ELP2: variants seen among roughly 807,000 people sequenced by gnomAD.
ELP2 encodes the protein elongator acetyltransferase complex subunit 2.
ELP2 carries 90 observed loss-of-function variants against 119.2 expected under a neutral mutation model. The ratio of observed to expected loss-of-function variants is 0.75; its 90% CI spans 0.64 to 0.90. The LOEUF (loss-of-function observed/expected upper bound fraction) is 0.90, where lower values mean the gene tolerates loss of function less well. Ranked by LOEUF, ELP2 falls within the 40% of genes least tolerant of loss-of-function variation. ELP2 has a pLI of 0.00. For missense variants in ELP2, 921 were observed against 967.8 expected, an observed-to-expected ratio of 0.95 and a Z score of 0.64; for synonymous variants, 339 against 331.0, an observed-to-expected ratio of 1.02 and a Z score of -0.26.
chr18:36,141,413 G>T lies in ELP2; in HGVS notation c.588+212G>T, dbSNP rs8097449. The T allele has an allele frequency of 7.1e-6, 4 of 564,352 alleles. No individual in the cohort carries two copies. The South Asian group carries it at 7.8e-5, about 11-fold the overall frequency. The allele number at this position is 564,352 out of a possible 1,614,324, so 35.0% of individuals were successfully genotyped here. On this transcript the variant is annotated intron_variant, in intron 6 of 21. Coordinates refer to ENST00000358232, the MANE Select transcript of ELP2 (RefSeq NM_018255.4). ...TGACCATCAGGCTCAGAGTTGTTAG[G>T]GGGAAACAGGTCATTAGGTGGGGGA... is the stretch of plus-strand genomic sequence containing the variant.
Position 36,146,300 on chromosome 18 carries a change from G to A in ELP2, c.1044G>A (p.Gln348=). ...GGNTLGFYDC[Q]FNEDGSMIIA... ...ATACTTTGGGATTTTATGATTGCCA[G>A]TTCAATGAAGATGGCTCCATGATCA... is the stretch of plus-strand genomic sequence containing the variant. The change falls in exon 11 of 22, where the codon CAG becomes CAA. Residue 348 remains glutamine (Q), a synonymous_variant. Transcript: ENST00000358232. The A allele has an allele frequency of 6.2e-7, 1 of 1,614,106 alleles. No homozygotes were observed. The highest frequency in any genetic ancestry group is 1.1e-5 in the South Asian group (1 of 91,084).
chr18:36,157,117 A>C (rs3786272), intron 13 of ELP2, among the ~76,000 whole-genome samples: 56,166 of 151,986 alleles, frequency 0.37, 11,281 homozygotes, highest in South Asian at 0.6. Context: ...GTATTGGAAT[A>C]ACGAGAACAT....
At position 36,177,346 on chromosome 18, in the gene ELP2, A is replaced by G. The variant is rs1287490227; in HGVS notation, c.*2705A>G. On this transcript the variant is annotated 3_prime_UTR_variant, in exon 22 of 22. Transcript: ENST00000358232. ...GCCTCTAAAAGGAAGATACGCTGAC[A>G]TGTGCTGCAACATGGATGAATCTTG... 3 of 152,244 alleles carry G rather than the reference A, an allele frequency of 2.0e-5. No homozygotes were observed. The highest frequency in any genetic ancestry group is 1.3e-4 in the Admixed American group (2 of 15,286). The allele number at this position is 152,244 out of a possible 1,614,324, so 9.4% of individuals were successfully genotyped here.
chr18:36,149,417 A>G (rs1335263091), intron 11 of ELP2, among the ~76,000 whole-genome samples: 1 of 150,204 alleles, frequency 6.7e-6, no homozygotes. Context: ...CGTACAACCC[A>G]TTCCCGTCAT....
chr18:36,165,297 A>G (rs1338831307), intron 18 of ELP2: 1 of 152,152 alleles, frequency 6.6e-6, no homozygotes, highest in Non-Finnish European at 1.5e-5. Context: ...AAAGAGGACT[A>G]AAAACCTTTG....
intron 11 of ELP2, among the ~76,000 whole-genome samples, chr18:36,154,280 T>G (rs952252190): frequency 6.6e-6 from 1 of 152,196 alleles, no homozygotes; most frequent in African/African-American, 2.4e-5. Flanking sequence ...TTTATATGGT[T>G]GTTGTTGCAG....
chr18:36,163,275 G>GTGTGTGTGT (rs1555644860), intron 17 of ELP2, among the ~76,000 whole-genome samples: 25,216 of 145,266 alleles, frequency 0.17, 2,358 homozygotes, highest in Non-Finnish European at 0.2. Flanking sequence ...GTTCATGGGG[G>GTGTGTGTGT]GTGTGTGTGT....
chr18:36,130,155 C>T, intron 1 of ELP2, 84 bp downstream of exon 1: 1 of 1,578,236 alleles, frequency 6.3e-7, no homozygotes, highest in Non-Finnish European at 8.7e-7. Context: ...TTAGTTGCCG[C>T]CCCAGACCTA....
In ELP2 at chr18:36,161,024, A is replaced by T; in HGVS notation, c.1761+20A>T. On this transcript the variant is annotated intron_variant, in intron 17 of 21. Transcript: ENST00000358232. ...TGTAAGGTAGGGAAGTTTACTTTTGATTCTGCTTGGTCACAGGTTATTTGG... is the reference window on the plus strand; with the variant it reads ...TGTAAGGTAGGGAAGTTTACTTTTGTTTCTGCTTGGTCACAGGTTATTTGG... 3 of 1,596,220 alleles carry T rather than the reference A, an allele frequency of 1.9e-6. No individual in the cohort carries two copies. Among genetic ancestry groups the T allele is most frequent in the Non-Finnish European group, 2.6e-6 (3 of 1,163,864 alleles).
chr18:36,156,896 C>T (rs1212180687), intron 13 of ELP2, among the ~76,000 whole-genome samples: 3 of 152,066 alleles, frequency 2.0e-5, no homozygotes, highest in East Asian at 3.9e-4. Context: ...TCAATTGAGA[C>T]ATGAATATGA....
At chr18:36,139,765 T>C (rs2089957898) in intron 5 of ELP2, 2 of 448,302 alleles carry the variant, frequency 4.5e-6, no homozygotes, top group Non-Finnish European at 7.6e-6. Flanking sequence ...CCTTTGGTAA[T>C]GCAAATTATT....
chr18:36,138,688 C>G, intron 4 of ELP2, 107 bp from the exon 5 acceptor site: 1 of 1,014,302 alleles, frequency 9.9e-7, no homozygotes, highest in Non-Finnish European at 1.6e-6. Flanking sequence ...ATTGACTTCT[C>G]TCATCTCCCT....
At chr18:36,167,821 A>T (rs2090953359) in intron 19 of ELP2, among the ~76,000 whole-genome samples, 1 of 151,912 alleles carries the variant, frequency 6.6e-6, no homozygotes, top group Non-Finnish European at 1.5e-5. Context: ...GTGGGACTAC[A>T]GGTGCTCACC....
At chr18:36,153,379 GAGTC>G (rs2090464054) in intron 11 of ELP2, among the ~76,000 whole-genome samples, 1 of 152,166 alleles carries the variant, frequency 6.6e-6, no homozygotes, top group Non-Finnish European at 1.5e-5. Flanking sequence ...ACGATTCCGT[GAGTC>G]AGGGCCTTTC....
chr18:36,148,909 A>G (rs1301745494), intron 11 of ELP2, among the ~76,000 whole-genome samples: 5 of 152,162 alleles, frequency 3.3e-5, no homozygotes. Flanking sequence ...ACAGTCAATA[A>G]TTAGTCCAGT....
At position 36,146,366 on chromosome 18, in the gene ELP2, G is replaced by C. The variant is rs1212551846; in HGVS notation, c.1110G>C (p.Gln370His). The change falls in exon 11 of 22, where the codon CAG (glutamine) becomes CAC (histidine). Residue 370 changes from glutamine to histidine, a missense_variant. Coordinates refer to ENST00000358232, the MANE Select transcript of ELP2 (RefSeq NM_018255.4). Reference sequence around the variant, plus strand: ...ACGGAGCGTTGCACCTTTGGAAACAGAATACAGTTAACCCAGTAAGAAAAG... The same window carrying C: ...ACGGAGCGTTGCACCTTTGGAAACACAATACAGTTAACCCAGTAAGAAAAG... The part of the protein sequence containing the change: ...AFHGALHLWK[Q>H]NTVNPREWTP... 4 of 1,613,996 alleles carry C rather than the reference G, an allele frequency of 2.5e-6. No individual in the cohort carries two copies.
chr18:36,167,601 A>G (rs769575430), intron 19 of ELP2, among the ~76,000 whole-genome samples: 6 of 152,246 alleles, frequency 3.9e-5, no homozygotes, highest in Non-Finnish European at 7.3e-5. Flanking sequence ...ATTTTTCTGT[A>G]ATAAATGATT....
chr18:36,171,023 G>A (rs1490256761), intron 20 of ELP2, 24 bp from the exon 21 acceptor site: 5 of 1,481,572 alleles, frequency 3.4e-6, no homozygotes, highest in Non-Finnish European at 4.7e-6. Context: ...GTTAATCACT[G>A]TTGTCCCCCT....
rs573358569 is a variant in ELP2 at position 36,140,164 on chromosome 18, ATTTT to A, written c.524-970_524-967del. Reference sequence around the variant, plus strand: ...TGGATCCCCTTGCGTAGCTTTGTAAATTTTTTATTTTATTTTTTTGACACAGGGT... The same window carrying A: ...TGGATCCCCTTGCGTAGCTTTGTAAATTATTTTATTTTTTTGACACAGGGT... On this transcript the variant is annotated intron_variant, in intron 5 of 21. Transcript: ENST00000358232. 3.6e-4 allele frequency among the ~76,000 whole-genome samples: 54 copies of A among 151,122 alleles called. 1 individual carries two copies. The highest frequency in any genetic ancestry group is 3.4e-3 in the Admixed American group (51 of 15,166).
Sources: gnomAD v4.1 joint callset for allele counts (sites outside exome capture counted in the v4.1 genomes callset) on GRCh38, gnomAD v4.1.1 for gene constraint, MANE v1.5 for transcripts, NCBI Gene and HGNC (gene_info 2026-07-23, HGNC 2026-07-21) for gene names.